SLC25A48: variants seen among roughly 807,000 people sequenced by gnomAD.
The protein encoded by SLC25A48 is CTC-321K16.1.
SLC25A48 carries 29 observed loss-of-function variants against 32.2 expected under a neutral mutation model. That is an observed-to-expected ratio of 0.90 (90% CI 0.67 to 1.23). The LOEUF is 1.23. Ranked by LOEUF, SLC25A48 falls within the 50% of genes most tolerant of loss-of-function variation. The probability of loss-of-function intolerance (pLI) is 0.00; values close to 1 mark genes in which losing one functional copy is unlikely to be tolerated. For synonymous variants in SLC25A48, 164 were observed against 172.3 expected, an observed-to-expected ratio of 0.95 and a Z score of 0.38; for missense variants, 399 against 422.7, an observed-to-expected ratio of 0.94 and a Z score of 0.49.
intron 3 of SLC25A48, among the ~76,000 whole-genome samples, chr5:135,762,256 T>C (rs1191740178): frequency 1.3e-5 from 2 of 152,134 alleles, no homozygotes; most frequent in African/African-American, 4.8e-5. Context: ...GGAATAACCA[T>C]GCAGATGGAT....
intron 3 of SLC25A48, among the ~76,000 whole-genome samples, chr5:135,732,732 G>A (rs936353622): frequency 6.6e-6 from 1 of 152,134 alleles, no homozygotes; most frequent in Non-Finnish European, 1.5e-5. Context: ...TATTTTCCTT[G>A]GTGCAAGAAC....
chr5:135,639,158 T>C (rs1508774), intron 3 of SLC25A48, among the ~76,000 whole-genome samples: 71,836 of 151,648 alleles, frequency 0.47, 17,153 homozygotes, highest in South Asian at 0.51. Context: ...CAATATGTTC[T>C]TTTGGGCAAC....
intron 3 of SLC25A48, among the ~76,000 whole-genome samples, 188 bp downstream of exon 3, chr5:135,850,684 C>T (rs1345006765): frequency 6.6e-6 from 1 of 152,218 alleles, no homozygotes; most frequent in Non-Finnish European, 1.5e-5. Context: ...TCACCCCTGC[C>T]ACTACCACAG....
chr5:135,755,343 T>C (rs1755870300), intron 3 of SLC25A48, among the ~76,000 whole-genome samples: 1 of 152,084 alleles, frequency 6.6e-6, no homozygotes, highest in Non-Finnish European at 1.5e-5. Flanking sequence ...TGCACTATGG[T>C]ATTAATGAAA....
At chr5:135,688,574 C>T (rs1356690537) in intron 3 of SLC25A48, among the ~76,000 whole-genome samples, 1 of 152,174 alleles carries the variant, frequency 6.6e-6, no homozygotes, top group Non-Finnish European at 1.5e-5. Flanking sequence ...CATTGCTATC[C>T]AGGGAATATT....
At chr5:135,626,845 A>G (rs1211753510) in intron 1 of SLC25A48, among the ~76,000 whole-genome samples, 1 of 152,100 alleles carries the variant, frequency 6.6e-6, no homozygotes, top group Non-Finnish European at 1.5e-5. Context: ...TTTTGCCTGC[A>G]CTGCCCTCAG....
intron 3 of SLC25A48, among the ~76,000 whole-genome samples, chr5:135,692,972 GA>G (rs767456358): frequency 1.3e-5 from 2 of 152,178 alleles, no homozygotes; most frequent in Non-Finnish European, 2.9e-5. Flanking sequence ...CTTTGAAGAT[GA>G]AACCTTAATA....
intron 3 of SLC25A48, among the ~76,000 whole-genome samples, chr5:135,690,956 T>TTTA (rs34181639): frequency 2.2e-4 from 33 of 151,620 alleles, no homozygotes; most frequent in African/African-American, 8.0e-4. Flanking sequence ...TTTTTTTTTT[T>TTTA]AATAAAAATC....
At position 135,773,330 on chromosome 5, in the gene SLC25A48, G is replaced by A. The variant is rs1030373241; in HGVS notation, c.-520-39193G>A. 3.3e-5 allele frequency among the ~76,000 whole-genome samples: 5 copies of A among 151,460 alleles called. No individual in the cohort carries two copies. In the South Asian group the frequency reaches 6.2e-4, roughly 19 times the overall value. Reference sequence around the variant, plus strand: ...GGATATTAAGAAAAATATCATAGAAGGGGTGTACACACCTTGGATATTATG... The same window carrying A: ...GGATATTAAGAAAAATATCATAGAAAGGGTGTACACACCTTGGATATTATG... On this transcript the variant is annotated intron_variant, in intron 3 of 10. Coordinates refer to the SLC25A48 transcript ENST00000646290.
intron 1 of SLC25A48, among the ~76,000 whole-genome samples, chr5:135,604,421 G>A (rs910154194): frequency 6.6e-6 from 1 of 152,148 alleles, no homozygotes. Context: ...CAGATAAATC[G>A]AGCCTTTCCT....
chr5:135,847,469 T>A (rs1368529494), intron 2 of SLC25A48, among the ~76,000 whole-genome samples: 1 of 152,208 alleles, frequency 6.6e-6, no homozygotes, highest in African/African-American at 2.4e-5. Flanking sequence ...GCCTGTGTCC[T>A]CATCTGTGGA....
At chr5:135,798,404 T>C (rs900156066) in intron 3 of SLC25A48, among the ~76,000 whole-genome samples, 1 of 151,708 alleles carries the variant, frequency 6.6e-6, no homozygotes, top group African/African-American at 2.4e-5. Flanking sequence ...TACAACCCTC[T>C]TGTGATATTG....
intron 1 of SLC25A48, among the ~76,000 whole-genome samples, chr5:135,600,443 T>C (rs1196457020): frequency 6.6e-6 from 1 of 152,196 alleles, no homozygotes; most frequent in South Asian, 2.1e-4. Context: ...ACCGAATGGC[T>C]GGGTTGACAG....
At chr5:135,608,962 C>T (rs1220073821) in intron 1 of SLC25A48, among the ~76,000 whole-genome samples, 1 of 152,192 alleles carries the variant, frequency 6.6e-6, no homozygotes, top group East Asian at 1.9e-4. Context: ...CTATGGATAT[C>T]TGCCATGTTG....
intron 3 of SLC25A48, among the ~76,000 whole-genome samples, chr5:135,753,369 G>A (rs7733777): frequency 0.3 from 45,779 of 151,510 alleles, 6,998 homozygotes; most frequent in East Asian, 0.46. Context: ...TCTCGAGGAC[G>A]TTATGCTTAG....
chr5:135,766,354 A>AGG (rs78167640), intron 3 of SLC25A48, among the ~76,000 whole-genome samples: 2 of 134,854 alleles, frequency 1.5e-5, no homozygotes, highest in African/African-American at 5.7e-5. Flanking sequence ...TGTAATATCA[A>AGG]GGGGGGGGGA....
At chr5:135,630,624 G>T (rs1241256376) in intron 2 of SLC25A48, among the ~76,000 whole-genome samples, 2 of 47,374 alleles carry the variant, frequency 4.2e-5, no homozygotes, top group African/African-American at 1.6e-4. Flanking sequence ...TTTTTTTTGA[G>T]AGAGTCATGC....
At chr5:135,643,959 G>T (rs1179255201) in intron 3 of SLC25A48, among the ~76,000 whole-genome samples, 2 of 152,104 alleles carry the variant, frequency 1.3e-5, no homozygotes, top group African/African-American at 4.8e-5. Context: ...GAAGAGCCAG[G>T]GTTTAAACTC....
At chr5:135,580,338 A>G (rs930190602) in intron 1 of SLC25A48, among the ~76,000 whole-genome samples, 2 of 152,178 alleles carry the variant, frequency 1.3e-5, no homozygotes, top group African/African-American at 2.4e-5. Context: ...GAGGTGGATC[A>G]TCTCAAGCTC....
Sources: gnomAD v4.1 joint callset for allele counts (sites outside exome capture counted in the v4.1 genomes callset) on GRCh38, gnomAD v4.1.1 for gene constraint, MANE v1.5 for transcripts, NCBI Gene and HGNC (gene_info 2026-07-23, HGNC 2026-07-21) for gene names.